The following CNTN5 variants were observed in gnomAD, a reference collection of about 807,000 sequenced individuals.
The protein encoded by CNTN5 is contactin 5.
A neutral mutation model predicts 129.1 loss-of-function variants in CNTN5; 77 were observed. The observed-to-expected ratio is 0.60, with a 90% CI of 0.50 to 0.72. The LOEUF is 0.72. Ranked by LOEUF, CNTN5 falls within the 30% of genes least tolerant of loss-of-function variation. The pLI is 0.00. For missense variants in CNTN5, 1,478 were observed against 1,328.8 expected (o/e 1.11, Z -1.75); for synonymous variants, 509 against 465.6 (o/e 1.09, Z -1.20).
At chr11:100,132,676 A>C (rs951657918) in intron 13 of CNTN5, among the ~76,000 whole-genome samples, 11 of 152,122 alleles carry the variant, frequency 7.2e-5, no homozygotes, top group African/African-American at 2.7e-4. Flanking sequence ...ATTATAGTTA[A>C]TTTTGAGTAA....
chr11:99,090,603 A>G (rs1414321126), intron 1 of CNTN5, among the ~76,000 whole-genome samples: 1 of 151,962 alleles, frequency 6.6e-6, no homozygotes, highest in Non-Finnish European at 1.5e-5. Flanking sequence ...TTTCTGTATT[A>G]AGGATCTTAG....
intron 1 of CNTN5, among the ~76,000 whole-genome samples, chr11:99,198,895 C>A (rs893727666): frequency 3.3e-5 from 5 of 152,054 alleles, no homozygotes; most frequent in Non-Finnish European, 7.4e-5. Flanking sequence ...TTGAAGACAG[C>A]CTCAGTCATA....
chr11:99,382,090 A>T (rs893803814), intron 2 of CNTN5, among the ~76,000 whole-genome samples: 11 of 152,168 alleles, frequency 7.2e-5, no homozygotes, highest in Non-Finnish European at 1.5e-5. Flanking sequence ...GAAAAATCAT[A>T]TTTACATCCT....
intron 1 of CNTN5, among the ~76,000 whole-genome samples, chr11:99,034,219 T>G (rs955123308): frequency 6.6e-6 from 1 of 152,194 alleles, no homozygotes; most frequent in Non-Finnish European, 1.5e-5. Context: ...AGGATATTGG[T>G]CTAAAACTCT....
At chr11:99,716,760 A>T (rs1251499893) in intron 3 of CNTN5, among the ~76,000 whole-genome samples, 1 of 152,054 alleles carries the variant, frequency 6.6e-6, no homozygotes, top group East Asian at 1.9e-4. Flanking sequence ...AAGTTCTCTA[A>T]CTCTAAGGAC....
intron 2 of CNTN5, among the ~76,000 whole-genome samples, chr11:99,494,110 A>C (rs1333690681): frequency 6.6e-6 from 1 of 152,116 alleles, no homozygotes; most frequent in Non-Finnish European, 1.5e-5. Context: ...GTGTAGTACC[A>C]CTCTGAGACA....
At chr11:99,176,553 C>A (rs1857783199) in intron 1 of CNTN5, among the ~76,000 whole-genome samples, 1 of 152,192 alleles carries the variant, frequency 6.6e-6, no homozygotes, top group South Asian at 2.1e-4. Context: ...CTGTAAATGG[C>A]AACTCCACAT....
chr11:99,367,571 C>T (rs538887781), intron 2 of CNTN5, among the ~76,000 whole-genome samples: 1 of 152,122 alleles, frequency 6.6e-6, no homozygotes, highest in African/African-American at 2.4e-5. Context: ...AATGACAGTG[C>T]TTATTTGAAA....
chr11:100,255,126 G>GA (rs960422271), intron 16 of CNTN5, among the ~76,000 whole-genome samples: 4 of 151,906 alleles, frequency 2.6e-5, no homozygotes, highest in African/African-American at 4.8e-5. Flanking sequence ...TCCTACCAAG[G>GA]AAAAAAGGAA....
chr11:99,503,141 A>G (rs546240424), intron 2 of CNTN5, among the ~76,000 whole-genome samples: 37 of 152,244 alleles, frequency 2.4e-4, no homozygotes, highest in African/African-American at 7.9e-4. Context: ...GGATTATACT[A>G]TGCGTATTCC....
At chr11:99,107,063 A>T (rs1867030912) in intron 1 of CNTN5, among the ~76,000 whole-genome samples, 1 of 152,164 alleles carries the variant, frequency 6.6e-6, no homozygotes, top group Admixed American at 6.6e-5. Flanking sequence ...CTGTTATCAA[A>T]CAAGTGATAG....
intron 3 of CNTN5, among the ~76,000 whole-genome samples, chr11:99,794,424 C>G (rs1201714853): frequency 6.6e-6 from 1 of 152,052 alleles, no homozygotes; most frequent in East Asian, 1.9e-4. Flanking sequence ...TGTTTACATT[C>G]ATGATTAGTA....
chr11:99,863,564 G>T (rs1948272981), intron 6 of CNTN5, among the ~76,000 whole-genome samples: 1 of 152,018 alleles, frequency 6.6e-6, no homozygotes, highest in Non-Finnish European at 1.5e-5. Context: ...TCATTTACCT[G>T]GGTTTTGGCT....
In CNTN5 at chr11:99,638,622, G is replaced by A. The variant is rs76187518; in HGVS notation, c.55+82353G>A. Among the ~76,000 whole-genome samples, 367 of 152,236 alleles carry A rather than the reference G, an allele frequency of 2.4e-3. 3 individuals are homozygous for A. Among genetic ancestry groups the A allele is most frequent in the African/African-American group, 8.3e-3 (344 of 41,552 alleles). On this transcript the variant is annotated intron_variant, in intron 3 of 24. Coordinates refer to ENST00000524871, the MANE Select transcript of CNTN5 (RefSeq NM_014361.4). ...TTGGGTAAATATAACCATTCCCAACGGGAGAAATCGGCTAAAACAAAGGGG... is the reference window on the plus strand; with the variant it reads ...TTGGGTAAATATAACCATTCCCAACAGGAGAAATCGGCTAAAACAAAGGGG...
At chr11:99,800,142 A>G (rs1946068921) in intron 3 of CNTN5, among the ~76,000 whole-genome samples, 1 of 151,878 alleles carries the variant, frequency 6.6e-6, no homozygotes. Flanking sequence ...TTTGCATCCC[A>G]GAGATTTTGG....
chr11:99,964,271 C>G (rs901835971), intron 8 of CNTN5, among the ~76,000 whole-genome samples: 2 of 152,110 alleles, frequency 1.3e-5, no homozygotes, highest in African/African-American at 4.8e-5. Flanking sequence ...AGTTTTTGCC[C>G]ATTCAGTATG....
intron 13 of CNTN5, among the ~76,000 whole-genome samples, chr11:100,181,892 T>C (rs1948148406): frequency 6.6e-6 from 1 of 152,074 alleles, no homozygotes; most frequent in African/African-American, 2.4e-5. Flanking sequence ...GTCTTCTTCA[T>C]GAGTTATATG....
chr11:100,313,668 C>A (rs1951519394), intron 21 of CNTN5, among the ~76,000 whole-genome samples: 1 of 151,712 alleles, frequency 6.6e-6, no homozygotes, highest in Non-Finnish European at 1.5e-5. Flanking sequence ...ATCCATGCTA[C>A]CATAGGAAAG....
intron 6 of CNTN5, among the ~76,000 whole-genome samples, chr11:99,850,944 G>T (rs186408444): frequency 6.1e-4 from 93 of 152,234 alleles, no homozygotes; most frequent in Non-Finnish European, 4.3e-4. Context: ...TAATTAGCTT[G>T]ACATAAAGCC....
Sources: gnomAD v4.1 joint callset for allele counts (sites outside exome capture counted in the v4.1 genomes callset) on GRCh38, gnomAD v4.1.1 for gene constraint, MANE v1.5 for transcripts, NCBI Gene and HGNC (gene_info 2026-07-23, HGNC 2026-07-21) for gene names.